Variants in MAP3K3 observed in about 807,000 individuals in gnomAD.
The protein encoded by MAP3K3 is mitogen-activated protein kinase kinase kinase 3.
MAP3K3 carries 12 observed loss-of-function variants against 80.9 expected under a neutral mutation model. That is an observed-to-expected ratio of 0.15 (90% CI 0.10 to 0.24). The LOEUF (loss-of-function observed/expected upper bound fraction) is 0.24, where lower values mean the gene tolerates loss of function less well. MAP3K3 is among the 10% of genes least tolerant of loss of function. The pLI is 1.00. For synonymous variants in MAP3K3, 272 were observed against 307.1 expected, an observed-to-expected ratio of 0.89 and a Z score of 1.19; for missense variants, 596 against 834.7, an observed-to-expected ratio of 0.71 and a Z score of 3.52.
chr17:63,624,744 G>T (rs975009192), intron 1 of MAP3K3, among the ~76,000 whole-genome samples: 4 of 152,208 alleles, frequency 2.6e-5, no homozygotes, highest in Non-Finnish European at 4.4e-5. Flanking sequence ...AAGAACCACT[G>T]CCCTAGCTTT....
intron 1 of MAP3K3, among the ~76,000 whole-genome samples, chr17:63,631,982 G>A (rs1383449590): frequency 1.3e-5 from 2 of 152,054 alleles, no homozygotes; most frequent in African/African-American, 2.4e-5. Flanking sequence ...AATAAGTCTG[G>A]GACTGACACT....
chr17:63,645,604 A>G (rs1200117894), intron 2 of MAP3K3, among the ~76,000 whole-genome samples: 1 of 152,374 alleles, frequency 6.6e-6, no homozygotes, highest in Non-Finnish European at 1.5e-5. Context: ...CTCACAGAGG[A>G]TAAGTAACTT....
chr17:63,683,354 T>C (rs1435408073), intron 7 of MAP3K3, among the ~76,000 whole-genome samples: 2 of 152,230 alleles, frequency 1.3e-5, no homozygotes, highest in Non-Finnish European at 2.9e-5. Flanking sequence ...GACCATCCTT[T>C]CTGGTTTCTC....
chr17:63,635,215 G>A (rs1298095963), intron 2 of MAP3K3, among the ~76,000 whole-genome samples: 1 of 152,156 alleles, frequency 6.6e-6, no homozygotes, highest in Non-Finnish European at 1.5e-5. Flanking sequence ...GATTTATTGG[G>A]CAAGAAATTA....
intron 6 of MAP3K3, among the ~76,000 whole-genome samples, chr17:63,669,767 A>G (rs922290575): frequency 7.9e-5 from 12 of 151,958 alleles, no homozygotes; most frequent in African/African-American, 2.7e-4. Context: ...ATGTTGTCTT[A>G]TCTTTCTTCC....
At chr17:63,622,916 C>T (rs1339274241) in intron 1 of MAP3K3, among the ~76,000 whole-genome samples, 153 bp downstream of exon 1, 2 of 145,350 alleles carry the variant, frequency 1.4e-5, no homozygotes, top group African/African-American at 4.9e-5. Context: ...CCGCCCGCCC[C>T]GCTCGCGCGC....
intron 3 of MAP3K3, among the ~76,000 whole-genome samples, 153 bp downstream of exon 3, chr17:63,646,227 C>A (rs1209109710): frequency 6.6e-6 from 1 of 152,148 alleles, no homozygotes; most frequent in Non-Finnish European, 1.5e-5. Flanking sequence ...AAAGTTTCAC[C>A]CTTGTCTTGG....
intron 6 of MAP3K3, among the ~76,000 whole-genome samples, chr17:63,677,790 C>G (rs912297849): frequency 6.6e-6 from 1 of 152,084 alleles, no homozygotes; most frequent in Middle Eastern, 3.2e-3. Context: ...TCCCTTGAGC[C>G]CAAGGAGTTT....
intron 2 of MAP3K3, chr17:63,637,132 C>T (rs1027684248): frequency 2.5e-5 from 7 of 282,860 alleles, no homozygotes; most frequent in East Asian, 1.6e-4. Flanking sequence ...AGTGTGTGTG[C>T]GTGCATGCGC....
chr17:63,645,126 T>C (rs569933939), intron 2 of MAP3K3, among the ~76,000 whole-genome samples: 2 of 152,348 alleles, frequency 1.3e-5, no homozygotes, highest in South Asian at 2.1e-4. Flanking sequence ...TTAACAAATA[T>C]TATTAAGCAC....
At position 63,692,239 on chromosome 17, in the gene MAP3K3, C is replaced by T. The variant is rs1166053496; in HGVS notation, c.1475-3C>T. On this transcript the variant is annotated splice_polypyrimidine_tract_variant and splice_region_variant and intron_variant, in intron 14 of 15. Transcript: ENST00000361733. This position sits in a 1 kb window ranked among gnomAD's most constrained non-coding sequence, Gnocchi z 4.5. ...TTGCAGCCTCTGCCCTTTCATGCCTCAGGAGCCAACATCCTCCGAGACTCT... is the reference window on the plus strand; with the variant it reads ...TTGCAGCCTCTGCCCTTTCATGCCTTAGGAGCCAACATCCTCCGAGACTCT... 1.2e-6 allele frequency: 2 copies of T among 1,613,824 alleles called. No homozygotes were observed. Among genetic ancestry groups the T allele is most frequent in the Admixed American group, 3.3e-5 (2 of 59,974 alleles).
rs546340382 is a variant in MAP3K3 at position 63,657,951 on chromosome 17, G to T, written c.381+44G>T. ...GGTCTGGCAGCTGAAGACAAAGCTTGCTTTCCTTCAGGAACTTGTCTCGCC... is the reference window on the plus strand; with the variant it reads ...GGTCTGGCAGCTGAAGACAAAGCTTTCTTTCCTTCAGGAACTTGTCTCGCC... On this transcript the variant is annotated intron_variant, in intron 5 of 15. Coordinates refer to ENST00000361733, the MANE Select transcript of MAP3K3 (RefSeq NM_002401.5). The T allele has an allele frequency of 4.8e-5, 57 of 1,176,330 alleles. 1 individual carries two copies. In the South Asian group the frequency reaches 7.1e-4, roughly 15 times the overall value. 72.9% of individuals were successfully genotyped at this position (1,176,330 alleles called of 1,614,324 possible). A position where few individuals can be genotyped will look rare whatever the true frequency, so the allele number is the denominator to read the frequency against.
chr17:63,689,217 T>A lies in MAP3K3; in HGVS notation c.872-327T>A, dbSNP rs2035528831. 1.9e-6 allele frequency: 1 copy of A among 528,554 alleles called. No homozygotes were observed. The highest frequency in any genetic ancestry group is 3.4e-6 in the Non-Finnish European group (1 of 296,038). 32.7% of individuals were successfully genotyped at this position (528,554 alleles called of 1,614,324 possible). A position where few individuals can be genotyped will look rare whatever the true frequency, so the allele number is the denominator to read the frequency against. On this transcript the variant is annotated intron_variant, in intron 10 of 15. Coordinates refer to ENST00000361733, the MANE Select transcript of MAP3K3 (RefSeq NM_002401.5). The surrounding 1 kb of genome is among the most constrained non-coding windows in gnomAD (Gnocchi z 4.3). ...AGTAGGATACAAGGAAATCAGTGCC[T>A]TCGGGTGTGGCTTGGCCTTGCAAGC...
In MAP3K3 at chr17:63,695,394, A is replaced by T. The variant is rs182259791; in HGVS notation, c.*1617A>T. On this transcript the variant is annotated 3_prime_UTR_variant, in exon 16 of 16. Coordinates refer to ENST00000361733, the MANE Select transcript of MAP3K3 (RefSeq NM_002401.5). This position sits in a 1 kb window ranked among gnomAD's most constrained non-coding sequence, Gnocchi z 4.1. ...GGACGCCTCAAGAGAGAGAAGAGAA[A>T]ATGAAAGCAGCTGGTTTTGCAGAAG... 2 of 152,800 alleles carry T rather than the reference A, an allele frequency of 1.3e-5. No homozygotes were observed. The highest frequency in any genetic ancestry group is 4.8e-5 in the African/African-American group (2 of 41,588). 9.5% of individuals were successfully genotyped at this position (152,800 alleles called of 1,614,324 possible). A position where few individuals can be genotyped will look rare whatever the true frequency, so the allele number is the denominator to read the frequency against.
At chr17:63,688,293 G>A in intron 8 of MAP3K3, 1 of 575,124 alleles carries the variant, frequency 1.7e-6, no homozygotes, top group East Asian at 3.0e-5. Context: ...CCAGGCTGGA[G>A]TTGGGTCAGA....
intron 5 of MAP3K3, among the ~76,000 whole-genome samples, chr17:63,662,262 A>C (rs1472898689): frequency 2.0e-5 from 3 of 149,966 alleles, no homozygotes; most frequent in Non-Finnish European, 4.4e-5. Flanking sequence ...AAAAAAAAAA[A>C]CGAAAATTAG....
chr17:63,644,796 C>T (rs912965454), intron 2 of MAP3K3, among the ~76,000 whole-genome samples: 5 of 152,156 alleles, frequency 3.3e-5, no homozygotes, highest in African/African-American at 1.2e-4. Context: ...TCTTCAAATA[C>T]TCTTAAGTCC....
In MAP3K3 at chr17:63,688,315, T is replaced by C. The variant is rs77491543; in HGVS notation, c.711-212T>C. ...GGAGTTGGGTCAGATGGGGGAGATTTACCACTCAGGGTGCTGTCAAATTTG... is the reference window on the plus strand; with the variant it reads ...GGAGTTGGGTCAGATGGGGGAGATTCACCACTCAGGGTGCTGTCAAATTTG... On this transcript the variant is annotated intron_variant, in intron 8 of 15. Transcript: ENST00000361733. 3,556 of 594,540 alleles carry C rather than the reference T, an allele frequency of 6.0e-3. 81 individuals are homozygous for C. Among genetic ancestry groups the C allele is most frequent in the African/African-American group, 0.059 (3,187 of 53,772 alleles). The allele number at this position is 594,540 out of a possible 1,614,324, so 36.8% of individuals were successfully genotyped here.
At position 63,622,758 on chromosome 17, in the gene MAP3K3, C is replaced by A; in HGVS notation, c.-2C>A. Reference sequence around the variant, plus strand: ...TTAGCCACCGCCGCCGCCATCGCCACCATGGGTAAGTGTCGCCACCGCCCC... The same window carrying A: ...TTAGCCACCGCCGCCGCCATCGCCAACATGGGTAAGTGTCGCCACCGCCCC... On this transcript the variant is annotated 5_prime_UTR_variant, in exon 1 of 16. Transcript: ENST00000361733. 1.9e-6 allele frequency: 1 copy of A among 531,996 alleles called. No individual in the cohort carries two copies. Among genetic ancestry groups the A allele is most frequent in the Non-Finnish European group, 3.6e-6 (1 of 276,786 alleles). 33.0% of individuals were successfully genotyped at this position (531,996 alleles called of 1,614,324 possible). A position where few individuals can be genotyped will look rare whatever the true frequency, so the allele number is the denominator to read the frequency against.
Sources: allele counts gnomAD v4.1 joint callset (sites outside exome capture counted in the v4.1 genomes callset), GRCh38; gene constraint gnomAD v4.1.1; non-coding constraint Gnocchi (gnomAD v3.1); transcripts MANE v1.5; gene names NCBI Gene and HGNC (gene_info 2026-07-23, HGNC 2026-07-21).